Variants in DGKI observed in about 807,000 individuals in gnomAD.
DGKI encodes the protein DAG kinase iota.
A neutral mutation model predicts 147.5 loss-of-function variants in DGKI; 55 were observed. The ratio of observed to expected loss-of-function variants is 0.37; its 90% CI spans 0.30 to 0.47. The LOEUF (loss-of-function observed/expected upper bound fraction) is 0.47, where lower values mean the gene tolerates loss of function less well. Among genes scored for constraint, DGKI ranks in the 20% least tolerant of loss-of-function variants. The pLI, the probability that DGKI is intolerant of heterozygous loss-of-function variation, is 1.00. For missense variants in DGKI, 1,007 were observed against 1,323.8 expected, an observed-to-expected ratio of 0.76 and a Z score of 3.71; for synonymous variants, 469 against 477.1, an observed-to-expected ratio of 0.98 and a Z score of 0.22.
At chr7:137,817,449 T>G (rs1424379657) in intron 1 of DGKI, among the ~76,000 whole-genome samples, 2 of 152,246 alleles carry the variant, frequency 1.3e-5, no homozygotes. Flanking sequence ...AGGTGATAAG[T>G]GACGTACATT....
At chr7:137,473,947 T>G (rs10250999) in intron 23 of DGKI, among the ~76,000 whole-genome samples, 22,282 of 152,144 alleles carry the variant, frequency 0.15, 2,263 homozygotes, top group African/African-American at 0.29. Flanking sequence ...CAATTAAACT[T>G]CAATTTTGGG....
At chr7:137,545,605 T>C (rs1039707203) in intron 20 of DGKI, among the ~76,000 whole-genome samples, 1 of 152,214 alleles carries the variant, frequency 6.6e-6, no homozygotes, top group African/African-American at 2.4e-5. Context: ...AACGGTATTA[T>C]GCACTTCCCA....
chr7:137,603,705 A>C (rs1820075494), intron 10 of DGKI, among the ~76,000 whole-genome samples: 3 of 152,184 alleles, frequency 2.0e-5, no homozygotes, highest in Non-Finnish European at 4.4e-5. Flanking sequence ...AAATATCTGA[A>C]ATGTGTCTTG....
chr7:137,489,298 A>C (rs1337853535), intron 21 of DGKI, among the ~76,000 whole-genome samples: 1 of 152,228 alleles, frequency 6.6e-6, no homozygotes, highest in Non-Finnish European at 1.5e-5. Flanking sequence ...TCTGTCTTTC[A>C]GGTGCAAGTC....
chr7:137,695,457 T>C (rs1823749297), intron 1 of DGKI, among the ~76,000 whole-genome samples: 1 of 152,246 alleles, frequency 6.6e-6, no homozygotes, highest in African/African-American at 2.4e-5. Flanking sequence ...AGGCACTGAA[T>C]CTTTTTACAT....
intron 21 of DGKI, among the ~76,000 whole-genome samples, chr7:137,499,354 CAACTT>C (rs942517491): frequency 2.6e-5 from 4 of 152,010 alleles, no homozygotes; most frequent in African/African-American, 7.2e-5. Context: ...TTTTATGTGT[CAACTT>C]GACTTGGCTA....
chr7:137,758,553 GT>G (rs1256267325), intron 1 of DGKI, among the ~76,000 whole-genome samples: 1 of 152,096 alleles, frequency 6.6e-6, no homozygotes, highest in Admixed American at 6.6e-5. Flanking sequence ...GGGCATGATG[GT>G]GAGTGCCTGT....
At chr7:137,783,143 CAA>C (rs774546751) in intron 1 of DGKI, among the ~76,000 whole-genome samples, 1 of 151,848 alleles carries the variant, frequency 6.6e-6, no homozygotes, top group Non-Finnish European at 1.5e-5. Flanking sequence ...TCTGAATTGA[CAA>C]AAAAAGAATT....
At chr7:137,816,779 A>G in intron 1 of DGKI, among the ~76,000 whole-genome samples, 1 of 152,238 alleles carries the variant, frequency 6.6e-6, no homozygotes, top group East Asian at 1.9e-4. Flanking sequence ...TGAGTAAGGA[A>G]GCTGCTAAAG....
intron 3 of DGKI, among the ~76,000 whole-genome samples, chr7:137,663,377 G>C (rs1199497227): frequency 6.6e-6 from 1 of 152,178 alleles, no homozygotes; most frequent in African/African-American, 2.4e-5. Flanking sequence ...CCAGTAAAAA[G>C]GGTCTAGCAG....
intron 1 of DGKI, among the ~76,000 whole-genome samples, chr7:137,790,397 T>C (rs1006797231): frequency 2.0e-5 from 3 of 152,178 alleles, no homozygotes; most frequent in Non-Finnish European, 2.9e-5. Flanking sequence ...TGTGAGAAAC[T>C]GTGAAATTCT....
chr7:137,463,489 T>G lies in DGKI; in HGVS notation c.2735A>C (p.Gln912Pro). ...LKDLSHSRVLQSPVSSEDHAI... is the reference protein window; with the variant it reads ...LKDLSHSRVLPSPVSSEDHAI... ...AAAAGAACAGCAAGAGAACTCTTAC[T>G]GTAGCACGCGGGAGTGGCTGAGATC... The change falls in exon 27 of 33, where the codon CAG becomes CCG. Residue 912 changes from glutamine (Q) to proline (P), a missense_variant and splice_region_variant. Transcript: ENST00000614521. The G allele has an allele frequency of 1.2e-6, 2 of 1,613,922 alleles. No homozygotes were observed. Among genetic ancestry groups the G allele is most frequent in the Non-Finnish European group, 1.7e-6 (2 of 1,179,976 alleles).
intron 17 of DGKI, among the ~76,000 whole-genome samples, chr7:137,573,439 G>T (rs1340848035): frequency 6.6e-6 from 1 of 152,110 alleles, no homozygotes; most frequent in African/African-American, 2.4e-5. Context: ...ATCTTGTACA[G>T]ACTCACCCAG....
At chr7:137,642,127 A>G (rs1821649527) in intron 6 of DGKI, among the ~76,000 whole-genome samples, 1 of 152,180 alleles carries the variant, frequency 6.6e-6, no homozygotes, top group South Asian at 2.1e-4. Context: ...GATCAATTCC[A>G]TCTGCCTCTC....
chr7:137,702,894 AGAT>A (rs763136506), intron 1 of DGKI, among the ~76,000 whole-genome samples: 4 of 152,202 alleles, frequency 2.6e-5, no homozygotes, highest in Non-Finnish European at 5.9e-5. Context: ...TAGTGGCCTA[AGAT>A]GATGATAACA....
intron 10 of DGKI, among the ~76,000 whole-genome samples, chr7:137,603,395 C>A (rs1388044583): frequency 6.6e-6 from 1 of 152,076 alleles, no homozygotes; most frequent in African/African-American, 2.4e-5. Flanking sequence ...ACTGCCCAGA[C>A]AATAAGAAAG....
At chr7:137,464,784 G>C (rs1181000202) in intron 26 of DGKI, among the ~76,000 whole-genome samples, 1 of 152,228 alleles carries the variant, frequency 6.6e-6, no homozygotes, top group Non-Finnish European at 1.5e-5. Context: ...TGACATTGCA[G>C]TTGTGCTAGC....
chr7:137,662,330 G>GC (rs1415076960), intron 3 of DGKI, among the ~76,000 whole-genome samples: 1 of 147,714 alleles, frequency 6.8e-6, no homozygotes, highest in African/African-American at 2.5e-5. Flanking sequence ...TGCAAGCTCT[G>GC]CCTCCCGGGT....
chr7:137,444,010 T>C, intron 28 of DGKI, 67 bp downstream of exon 28: 1 of 1,336,856 alleles, frequency 7.5e-7, no homozygotes, highest in Non-Finnish European at 1.0e-6. Flanking sequence ...GCTCTGACAA[T>C]GAACTGCAAA....
Sources: allele counts gnomAD v4.1 joint callset (sites outside exome capture counted in the v4.1 genomes callset), GRCh38; gene constraint gnomAD v4.1.1; transcripts MANE v1.5; gene names NCBI Gene and HGNC (gene_info 2026-07-23, HGNC 2026-07-21).